CCL14: variants seen among roughly 807,000 people sequenced by gnomAD.
CCL14 encodes C-C motif chemokine 14.
Under a neutral mutation model 8.2 loss-of-function variants are expected in CCL14, and 8 were observed. That is an observed-to-expected ratio of 0.98 (90% CI 0.57 to 1.76). CCL14 has a LOEUF of 1.76. Ranked by LOEUF, CCL14 falls within the 40% of genes most tolerant of loss-of-function variation. The probability of loss-of-function intolerance (pLI) is 0.00; values close to 1 mark genes in which losing one functional copy is unlikely to be tolerated. For synonymous variants in CCL14, 50 were observed against 43.2 expected (o/e 1.16, Z -0.62); for missense variants, 127 against 118.3 (o/e 1.07, Z -0.34).
At chr17:35,984,569 A>G in intron 1 of CCL14, 117 bp from the exon 2 acceptor site, 1 of 696,286 alleles carries the variant, frequency 1.4e-6, no homozygotes. Context: ...GCCCCTCAGA[A>G]CTTGGAGGGG....
rs41495150 is a variant in CCL14, at chr17:35,983,724, C to G, written c.*77G>C. The stretch of plus-strand genomic sequence containing the variant: ...GAGGGTGACTGGGGCTGAGAGTTAG[C>G]GGTGGGTGGAGGAGGGGGCCTTGGC... On this transcript the variant is annotated 3_prime_UTR_variant, in exon 3 of 3. Coordinates refer to ENST00000618404, the MANE Select transcript of CCL14 (RefSeq NM_032963.4). 0.034 allele frequency: 33,016 copies of G among 969,724 alleles called. 760 individuals carry two copies. The highest frequency in any genetic ancestry group is 0.088 in the African/African-American group (5,517 of 62,666). The allele number at this position is 969,724 out of a possible 1,614,324, so 60.1% of individuals were successfully genotyped here.
rs779464556 is a variant in CCL14 at position 35,986,637 on chromosome 17, C to G, written c.13G>C (p.Val5Leu). MKIS[V>L]AAIPFFLLIT... ...AGGAGGAAGAAGGGAATGGCAGCCA[C>G]GGAGATCTTCATGCTGTGGGAAGCT... The change falls in exon 1 of 3, where the codon GTG (valine) becomes CTG (leucine). Residue 5 changes from valine (V) to leucine (L), a missense_variant. Coordinates refer to ENST00000618404, the MANE Select transcript of CCL14 (RefSeq NM_032963.4). 3 of 1,613,826 alleles carry G rather than the reference C, an allele frequency of 1.9e-6. No homozygotes were observed. The Admixed American group carries it at 5.0e-5, about 27-fold the overall frequency.
chr17:35,983,570 G>A lies in CCL14; in HGVS notation c.*231C>T. The A allele has an allele frequency of 2.1e-6, 1 of 470,324 alleles. No homozygotes were observed. Among genetic ancestry groups the A allele is most frequent in the South Asian group, 4.8e-5 (1 of 20,756 alleles). 29.1% of individuals were successfully genotyped at this position (470,324 alleles called of 1,614,324 possible). A position where few individuals can be genotyped will look rare whatever the true frequency, so the allele number is the denominator to read the frequency against. ...CAGGCTCCAGCAAAACTTCTGCAGA[G>A]CGAGGCTTGATGCCGAGGGTGCCAC... is the stretch of plus-strand genomic sequence containing the variant. On this transcript the variant is annotated 3_prime_UTR_variant, in exon 3 of 3. Transcript: ENST00000618404.
intron 1 of CCL14, chr17:35,985,622 C>A: frequency 4.0e-6 from 3 of 756,622 alleles, no homozygotes; most frequent in East Asian, 2.7e-5. Context: ...AGCATCCTCA[C>A]GATCCAAAGA....
At position 35,986,661 on chromosome 17, in the gene CCL14, C is replaced by A. The variant is rs1223462311; in HGVS notation, c.-12G>T. The A allele has an allele frequency of 1.9e-6, 3 of 1,611,040 alleles. No individual in the cohort carries two copies. The highest frequency in any genetic ancestry group is 2.5e-6 in the Non-Finnish European group (3 of 1,177,480). Reference sequence around the variant, plus strand: ...ACGGAGATCTTCATGCTGTGGGAAGCTGTTGTGGGAGGAGAGCTGGCCTGG... The same window carrying A: ...ACGGAGATCTTCATGCTGTGGGAAGATGTTGTGGGAGGAGAGCTGGCCTGG... On this transcript the variant is annotated 5_prime_UTR_variant, in exon 1 of 3. Coordinates refer to ENST00000618404, the MANE Select transcript of CCL14 (RefSeq NM_032963.4).
At chr17:35,984,028 C>G in intron 2 of CCL14, 140 bp from the exon 3 acceptor site, 1 of 715,660 alleles carries the variant, frequency 1.4e-6, no homozygotes, top group Non-Finnish European at 2.5e-6. Flanking sequence ...TAGAGCCAGT[C>G]TCCTCTCTGA....
At position 35,983,767 on chromosome 17, in the gene CCL14, C is replaced by G. The variant is rs2089709398; in HGVS notation, c.*34G>C. The G allele has an allele frequency of 6.8e-7, 1 of 1,477,882 alleles. No homozygotes were observed. The highest frequency in any genetic ancestry group is 9.5e-7 in the Non-Finnish European group (1 of 1,055,642). The allele number at this position is 1,477,882 out of a possible 1,614,324, so 91.5% of individuals were successfully genotyped here. A position where few individuals can be genotyped will look rare whatever the true frequency, so the allele number is the denominator to read the frequency against. ...GCCTTGGCATCTTCTCTTTATGTCT[C>G]TGAGCTGTGCCTTCGCCACCCCTTC... On this transcript the variant is annotated 3_prime_UTR_variant, in exon 3 of 3. Coordinates refer to ENST00000618404, the MANE Select transcript of CCL14 (RefSeq NM_032963.4).
rs1598737154 is a variant in CCL14, at chr17:35,985,596, C to T, written c.79+975G>A. ...GGTGGAAGGGTCTCATCCTGTTTTC[C>T]AGCTCCATTCCAGGCAGCATCCTCA... On this transcript the variant is annotated intron_variant, in intron 1 of 2. Coordinates refer to ENST00000618404, the MANE Select transcript of CCL14 (RefSeq NM_032963.4). 7 of 660,794 alleles carry T rather than the reference C, an allele frequency of 1.1e-5. No homozygotes were observed. The South Asian group carries it at 1.3e-4, about 12-fold the overall frequency. 40.9% of individuals were successfully genotyped at this position (660,794 alleles called of 1,614,324 possible). A position where few individuals can be genotyped will look rare whatever the true frequency, so the allele number is the denominator to read the frequency against.
At position 35,983,742 on chromosome 17, in the gene CCL14, G is replaced by A. The variant is rs1461677008; in HGVS notation, c.*59C>T. ...GAGTTAGCGGTGGGTGGAGGAGGGG[G>A]CCTTGGCATCTTCTCTTTATGTCTC... On this transcript the variant is annotated 3_prime_UTR_variant, in exon 3 of 3. Transcript: ENST00000618404. 11 of 1,187,902 alleles carry A rather than the reference G, an allele frequency of 9.3e-6. No individual in the cohort carries two copies. Among genetic ancestry groups the A allele is most frequent in the Non-Finnish European group, 1.4e-5 (11 of 791,808 alleles). 73.6% of individuals were successfully genotyped at this position (1,187,902 alleles called of 1,614,324 possible). A position where few individuals can be genotyped will look rare whatever the true frequency, so the allele number is the denominator to read the frequency against.
Position 35,984,342 on chromosome 17 carries a change from T to A in CCL14, c.190A>T (p.Ile64Phe), listed in dbSNP as rs2089722334. 6.2e-7 allele frequency: 1 copy of A among 1,609,432 alleles called. No homozygotes were observed. The highest frequency in any genetic ancestry group is 2.2e-5 in the East Asian group (1 of 44,852). ...TGATGTGTGTGTACCACCTACACAATTCCGGGCTTGGAGCACTGGCTGTTG... is the reference window on the plus strand; with the variant it reads ...TGATGTGTGTGTACCACCTACACAAATCCGGGCTTGGAGCACTGGCTGTTG... Reference protein sequence around the residue: ...ETNSQCSKPGIVFITKRGHSV... With the variant: ...ETNSQCSKPGFVFITKRGHSV... The change falls in exon 2 of 3, where the codon ATT (isoleucine) becomes TTT (phenylalanine). Residue 64 changes from isoleucine to phenylalanine, a missense_variant. Physicochemically the swap from Ile to Phe is conservative, Grantham distance 21. Coordinates refer to ENST00000618404, the MANE Select transcript of CCL14 (RefSeq NM_032963.4).
At chr17:35,984,915 T>C (rs894187982) in intron 1 of CCL14, 1 of 240,110 alleles carries the variant, frequency 4.2e-6, no homozygotes, top group Non-Finnish European at 8.0e-6. Flanking sequence ...ACCCAGCCCC[T>C]CCTAGTGCTC....
intron 1 of CCL14, 131 bp from the exon 2 acceptor site, chr17:35,984,583 G>A (rs1211705532): frequency 3.0e-6 from 2 of 658,106 alleles, no homozygotes; most frequent in South Asian, 3.4e-5. Context: ...GGAGGGGAGA[G>A]TAGGCTTTCC....
At position 35,983,865 on chromosome 17, in the gene CCL14, G is replaced by C; in HGVS notation, c.218C>G (p.Ser73Cys). The change falls in exon 3 of 3, where the codon TCC (serine) becomes TGC (cysteine). Residue 73 changes from serine to cysteine, a missense_variant. Coordinates refer to ENST00000618404, the MANE Select transcript of CCL14 (RefSeq NM_032963.4). ...CTTGTCACTGGGGTTGGTACAGACGGAATGGCCCCTTTTGGTGATGAAGCT... is the reference window on the plus strand; with the variant it reads ...CTTGTCACTGGGGTTGGTACAGACGCAATGGCCCCTTTTGGTGATGAAGCT... ...GIVFITKRGH[S>C]VCTNPSDKWV... is the part of the protein sequence containing the mutation. 1 of 1,613,968 alleles carries C rather than the reference G, an allele frequency of 6.2e-7. No individual in the cohort carries two copies. Among genetic ancestry groups the C allele is most frequent in the Non-Finnish European group, 8.5e-7 (1 of 1,179,846 alleles).
At chr17:35,984,720 G>A in intron 1 of CCL14, 1 of 555,540 alleles carries the variant, frequency 1.8e-6, no homozygotes, top group South Asian at 2.7e-5. Context: ...TTCAACTCCA[G>A]GATTGAAGAG....
chr17:35,984,871 T>C (rs966071903), intron 1 of CCL14: 2 of 339,812 alleles, frequency 5.9e-6, no homozygotes, highest in Non-Finnish European at 1.1e-5. Context: ...GAAATCCCAA[T>C]AGGGATTTGG....
At chr17:35,985,086 C>T (rs2089742631) in intron 1 of CCL14, 1 of 155,298 alleles carries the variant, frequency 6.4e-6, no homozygotes, top group Admixed American at 6.4e-5. Context: ...CCCCCTGTTC[C>T]CTCCTCTGTA....
At position 35,986,516 on chromosome 17, in the gene CCL14, C is replaced by T. The variant is rs773406284; in HGVS notation, c.79+55G>A. On this transcript the variant is annotated intron_variant, in intron 1 of 2. Transcript: ENST00000618404. The stretch of plus-strand genomic sequence containing the variant: ...CTTCCCCTGAGCCCCAACCTCACTC[C>T]TGCTTATTTCCCTGCAGGCTCTAGG... 8.3e-6 allele frequency: 12 copies of T among 1,447,498 alleles called. No homozygotes were observed. The South Asian group carries it at 1.4e-4, about 17-fold the overall frequency. 89.7% of individuals were successfully genotyped at this position (1,447,498 alleles called of 1,614,324 possible). A position where few individuals can be genotyped will look rare whatever the true frequency, so the allele number is the denominator to read the frequency against.
chr17:35,985,832 A>G, intron 1 of CCL14: 1 of 1,511,880 alleles, frequency 6.6e-7, no homozygotes, highest in Non-Finnish European at 9.0e-7. Context: ...AGAGTGATAA[A>G]TAGTTTTGGT....
chr17:35,983,451 T>G lies in CCL14; in HGVS notation c.*350A>C. On this transcript the variant is annotated 3_prime_UTR_variant, in exon 3 of 3. Coordinates refer to ENST00000618404, the MANE Select transcript of CCL14 (RefSeq NM_032963.4). ...ATTAAGAAAACGGGGTCTGCTACTGTTGTTGCTGAGGAGGAGACGGTCTTT... is the reference window on the plus strand; with the variant it reads ...ATTAAGAAAACGGGGTCTGCTACTGGTGTTGCTGAGGAGGAGACGGTCTTT... 1 of 250,280 alleles carries G rather than the reference T, an allele frequency of 4.0e-6. No individual in the cohort carries two copies. Among genetic ancestry groups the G allele is most frequent in the Non-Finnish European group, 7.7e-6 (1 of 130,582 alleles). The allele number at this position is 250,280 out of a possible 1,614,324, so 15.5% of individuals were successfully genotyped here.
Sources: gnomAD v4.1 joint callset for allele counts on GRCh38, gnomAD v4.1.1 for gene constraint, MANE v1.5 for transcripts, NCBI Gene and HGNC (gene_info 2026-07-23, HGNC 2026-07-21) for gene names.